Variants in CCSER1 observed in about 807,000 individuals in gnomAD.
The protein encoded by CCSER1 is coiled-coil serine rich protein 1.
In CCSER1, 41 loss-of-function variants were observed where a neutral mutation model predicts 82.0. The ratio of observed to expected loss-of-function variants is 0.50; its 90% CI spans 0.39 to 0.65. The LOEUF (loss-of-function observed/expected upper bound fraction) is 0.65, where lower values mean the gene tolerates loss of function less well. Ranked by LOEUF, CCSER1 falls within the 30% of genes least tolerant of loss-of-function variation. The probability of loss-of-function intolerance (pLI) is 0.00; values close to 1 mark genes in which losing one functional copy is unlikely to be tolerated. For missense variants in CCSER1, 1,119 were observed against 1,064.2 expected (o/e 1.05, Z -0.72); for synonymous variants, 414 against 383.9 (o/e 1.08, Z -0.92).
intron 8 of CCSER1, among the ~76,000 whole-genome samples, chr4:90,845,714 T>C (rs770915069): frequency 6.6e-6 from 1 of 152,118 alleles, no homozygotes; most frequent in Non-Finnish European, 1.5e-5. Context: ...GTGCTTTTTT[T>C]TAAATTTAAT....
chr4:90,835,130 G>T (rs1761626448), intron 8 of CCSER1, among the ~76,000 whole-genome samples: 1 of 152,110 alleles, frequency 6.6e-6, no homozygotes, highest in Non-Finnish European at 1.5e-5. Flanking sequence ...AGCAGATTAA[G>T]ACCACCCTGG....
intron 4 of CCSER1, among the ~76,000 whole-genome samples, chr4:90,435,935 CA>C (rs1380604934): frequency 7.3e-4 from 111 of 151,910 alleles, no homozygotes; most frequent in African/African-American, 2.6e-3. Context: ...CAATCAAACA[CA>C]AGGGCTATTT....
chr4:90,899,393 A>C (rs1483695869), intron 8 of CCSER1, among the ~76,000 whole-genome samples: 1 of 152,012 alleles, frequency 6.6e-6, no homozygotes, highest in Non-Finnish European at 1.5e-5. Flanking sequence ...TCATTTAATC[A>C]CAAAGAGAGA....
At chr4:90,596,566 T>G (rs1783369702) in intron 5 of CCSER1, among the ~76,000 whole-genome samples, 1 of 151,848 alleles carries the variant, frequency 6.6e-6, no homozygotes, top group Non-Finnish European at 1.5e-5. Context: ...TTCAATAAAC[T>G]AGCTTAGGTA....
At chr4:90,646,320 T>C (rs944138212) in intron 6 of CCSER1, among the ~76,000 whole-genome samples, 1 of 152,124 alleles carries the variant, frequency 6.6e-6, no homozygotes, top group Non-Finnish European at 1.5e-5. Flanking sequence ...AGTGTGTGTA[T>C]GTGTGTGTGC....
intron 8 of CCSER1, among the ~76,000 whole-genome samples, chr4:90,871,364 G>A (rs1729053628): frequency 6.6e-6 from 1 of 151,692 alleles, no homozygotes; most frequent in African/African-American, 2.4e-5. Flanking sequence ...ATGTTGGTAT[G>A]TTGATCCATG....
At chr4:90,870,657 G>T (rs563948153) in intron 8 of CCSER1, among the ~76,000 whole-genome samples, 1 of 151,414 alleles carries the variant, frequency 6.6e-6, no homozygotes, top group African/African-American at 2.4e-5. Flanking sequence ...CTTTTTTGAT[G>T]TGTCTTTGTC....
chr4:91,017,582 A>C (rs946724175), intron 9 of CCSER1, among the ~76,000 whole-genome samples: 1 of 152,114 alleles, frequency 6.6e-6, no homozygotes, highest in African/African-American at 2.4e-5. Context: ...GTCAGAGTTT[A>C]TAGTATCCAG....
intron 10 of CCSER1, among the ~76,000 whole-genome samples, chr4:91,430,652 A>G (rs6853424): frequency 0.025 from 3,882 of 152,346 alleles, 157 homozygotes; most frequent in African/African-American, 0.089. Context: ...TATGAAATGG[A>G]CACATGGCAA....
chr4:91,578,457 A>G (rs1315850668), intron 10 of CCSER1, among the ~76,000 whole-genome samples: 3 of 152,026 alleles, frequency 2.0e-5, no homozygotes, highest in Admixed American at 6.6e-5. Flanking sequence ...ATGTCACAAT[A>G]TAGCAGATTT....
At chr4:91,107,017 A>G (rs6817115) in intron 10 of CCSER1, among the ~76,000 whole-genome samples, 9,819 of 151,882 alleles carry the variant, frequency 0.065, 385 homozygotes, top group Middle Eastern at 0.085. Flanking sequence ...TATTTTTTTT[A>G]TCTTTGATAA....
At chr4:90,161,893 A>G (rs1212976426) in intron 1 of CCSER1, among the ~76,000 whole-genome samples, 1 of 152,060 alleles carries the variant, frequency 6.6e-6, no homozygotes, top group African/African-American at 2.4e-5. Flanking sequence ...CTTTTTCTCT[A>G]CAAGCTATCT....
chr4:90,975,827 A>G (rs116756518), intron 9 of CCSER1, among the ~76,000 whole-genome samples: 3,522 of 151,264 alleles, frequency 0.023, 157 homozygotes, highest in African/African-American at 0.081. Flanking sequence ...AAAGTAACCC[A>G]TTTTTTCTAA....
chr4:90,393,925 G>A (rs1751583374), intron 3 of CCSER1, among the ~76,000 whole-genome samples: 1 of 150,914 alleles, frequency 6.6e-6, no homozygotes, highest in Admixed American at 6.6e-5. Flanking sequence ...CTGTAGGCAT[G>A]CACCACCATA....
intron 5 of CCSER1, among the ~76,000 whole-genome samples, chr4:90,523,118 T>G (rs1441498917): frequency 6.6e-6 from 1 of 152,140 alleles, no homozygotes; most frequent in Non-Finnish European, 1.5e-5. Context: ...ATCAAATGAT[T>G]ATTGACTGTT....
chr4:91,000,212 T>A (rs1561459544), intron 9 of CCSER1, among the ~76,000 whole-genome samples: 1 of 135,270 alleles, frequency 7.4e-6, no homozygotes, highest in Non-Finnish European at 1.6e-5. Flanking sequence ...TAGTATAGTA[T>A]AGTATAGGTA....
chr4:91,303,933 T>C (rs1367154400), intron 10 of CCSER1, among the ~76,000 whole-genome samples: 1 of 152,048 alleles, frequency 6.6e-6, no homozygotes, highest in African/African-American at 2.4e-5. Context: ...TAGAGTCTAA[T>C]ACAGATCTGA....
At chr4:90,923,628 G>T (rs1191463904) in intron 9 of CCSER1, 181 bp downstream of exon 9, 2 of 498,490 alleles carry the variant, frequency 4.0e-6, no homozygotes, top group Non-Finnish European at 7.2e-6. Context: ...ATGATTACAG[G>T]CACCAACTGG....
At chr4:90,781,383 G>C (rs2149611530) in intron 7 of CCSER1, 1 of 985,394 alleles carries the variant, frequency 1.0e-6, no homozygotes, top group South Asian at 4.7e-5. Context: ...GGTTACTGGG[G>C]CTTTGAGCCC....
Sources: allele counts gnomAD v4.1 joint callset (sites outside exome capture counted in the v4.1 genomes callset), GRCh38; gene constraint gnomAD v4.1.1; transcripts MANE v1.5; gene names NCBI Gene and HGNC (gene_info 2026-07-23, HGNC 2026-07-21).